FBXL17: variants seen among roughly 807,000 people sequenced by gnomAD.
The protein encoded by FBXL17 is F-box/LRR-repeat protein 17.
A neutral mutation model predicts 66.2 loss-of-function variants in FBXL17; 22 were observed. That is an observed-to-expected ratio of 0.33 (90% CI 0.24 to 0.47). FBXL17 has a LOEUF of 0.47. Ranked by LOEUF, FBXL17 falls within the 20% of genes least tolerant of loss-of-function variation. The pLI, the probability that FBXL17 is intolerant of heterozygous loss-of-function variation, is 1.00. For missense variants in FBXL17, 878 were observed against 948.2 expected (o/e 0.93, Z 0.97); for synonymous variants, 474 against 400.5 (o/e 1.18, Z -2.19).
chr5:107,915,639 T>C (rs1483199858), intron 7 of FBXL17, among the ~76,000 whole-genome samples: 1 of 152,210 alleles, frequency 6.6e-6, no homozygotes, highest in Non-Finnish European at 1.5e-5. Flanking sequence ...CATATAATTT[T>C]AGAAGCTGAA....
chr5:107,905,917 G>A (rs1219108409), intron 7 of FBXL17, among the ~76,000 whole-genome samples: 1 of 152,136 alleles, frequency 6.6e-6, no homozygotes, highest in Non-Finnish European at 1.5e-5. Flanking sequence ...ATATGCCTCT[G>A]GGCAACATTT....
intron 7 of FBXL17, among the ~76,000 whole-genome samples, chr5:107,957,906 C>T (rs1177415550): frequency 6.6e-6 from 1 of 152,130 alleles, no homozygotes; most frequent in Non-Finnish European, 1.5e-5. Flanking sequence ...CTGGTCAATT[C>T]TGTGGGGAGC....
At chr5:108,157,322 A>G (rs1327112979) in intron 6 of FBXL17, among the ~76,000 whole-genome samples, 1 of 152,000 alleles carries the variant, frequency 6.6e-6, no homozygotes. Flanking sequence ...TTGACAACAC[A>G]GTAGTATTAA....
chr5:107,957,973 T>C (rs541552244), intron 7 of FBXL17, among the ~76,000 whole-genome samples: 5 of 152,120 alleles, frequency 3.3e-5, no homozygotes, highest in Non-Finnish European at 5.9e-5. Context: ...AAGCATTCTG[T>C]GCAGGGAGTG....
intron 8 of FBXL17, among the ~76,000 whole-genome samples, chr5:107,869,195 G>A (rs1180643329): frequency 6.6e-6 from 1 of 152,188 alleles, no homozygotes; most frequent in African/African-American, 2.4e-5. Flanking sequence ...CAGCCCCAGA[G>A]GCTGACTCCT....
chr5:108,093,091 C>G (rs192647448), intron 6 of FBXL17, among the ~76,000 whole-genome samples: 1 of 151,928 alleles, frequency 6.6e-6, no homozygotes, highest in Non-Finnish European at 1.5e-5. Context: ...ACCACTCTAT[C>G]CCTCCCCCCA....
intron 6 of FBXL17, among the ~76,000 whole-genome samples, chr5:108,183,731 C>G (rs1304296090): frequency 6.6e-6 from 1 of 152,122 alleles, no homozygotes; most frequent in Non-Finnish European, 1.5e-5. Context: ...AGCCTCCTCA[C>G]TTGGAGTTCC....
intron 6 of FBXL17, among the ~76,000 whole-genome samples, chr5:108,163,888 A>G (rs1400192703): frequency 6.6e-6 from 1 of 152,222 alleles, no homozygotes; most frequent in African/African-American, 2.4e-5. Context: ...CTTTAATTTC[A>G]GAAAAATAAA....
intron 6 of FBXL17, among the ~76,000 whole-genome samples, chr5:108,038,550 T>A (rs1013445482): frequency 1.3e-5 from 2 of 152,100 alleles, no homozygotes; most frequent in African/African-American, 2.4e-5. Context: ...AAATTCATTA[T>A]CTTGTGGATT....
In FBXL17 at chr5:108,054,849, G is replaced by A. The variant is rs142910288; in HGVS notation, c.1746-33848C>T. ...CAGGGAGCTTACCACCATGTTGTTC[G>A]TCAGGTCCCAAGTTCCCTAGTTAGT... On this transcript the variant is annotated intron_variant, in intron 6 of 8. Transcript: ENST00000542267. Among the ~76,000 whole-genome samples, 37 of 152,162 alleles carry A rather than the reference G, an allele frequency of 2.4e-4. No individual in the cohort carries two copies. The East Asian group carries it at 5.8e-3, about 24-fold the overall frequency.
intron 7 of FBXL17, among the ~76,000 whole-genome samples, chr5:107,991,741 T>C (rs940522686): frequency 7.9e-5 from 12 of 152,162 alleles, no homozygotes; most frequent in Non-Finnish European, 1.8e-4. Flanking sequence ...TTTATCTCTA[T>C]CTTTGGTATT....
intron 7 of FBXL17, among the ~76,000 whole-genome samples, chr5:107,909,988 T>G (rs1299795258): frequency 1.3e-5 from 2 of 152,132 alleles, no homozygotes; most frequent in Non-Finnish European, 2.9e-5. Flanking sequence ...CTGGCTTCTT[T>G]AGAAAAGTAA....
In FBXL17 at chr5:108,381,151, C is replaced by G; in HGVS notation, c.541G>C (p.Gly181Arg). Reference protein sequence around the residue: ...GPPAAVQLFRGPTPSPAELPT... With the variant: ...GPPAAVQLFRRPTPSPAELPT... ...AGCTCGGCCGGTGACGGTGTCGGCC[C>G]CCGGAAGAGCTGCACGGCGGCGGGC... Residue 181 changes from glycine to arginine, a missense_variant, in exon 1 of 9, where the codon GGG becomes CGG. Gly to Arg is a moderately radical substitution (Grantham distance 125). Transcript: ENST00000542267. 7.1e-7 allele frequency: 1 copy of G among 1,404,950 alleles called. No homozygotes were observed. The highest frequency in any genetic ancestry group is 9.2e-7 in the Non-Finnish European group (1 of 1,082,058). 87.0% of individuals were successfully genotyped at this position (1,404,950 alleles called of 1,614,324 possible). A position where few individuals can be genotyped will look rare whatever the true frequency, so the allele number is the denominator to read the frequency against.
At chr5:108,105,560 A>G (rs191802021) in intron 6 of FBXL17, among the ~76,000 whole-genome samples, 1 of 152,352 alleles carries the variant, frequency 6.6e-6, no homozygotes, top group Non-Finnish European at 1.5e-5. Flanking sequence ...ATAAGAATAA[A>G]TAAGAAAACT....
At chr5:108,311,421 C>T (rs1430270513) in intron 4 of FBXL17, among the ~76,000 whole-genome samples, 2 of 152,196 alleles carry the variant, frequency 1.3e-5, no homozygotes, top group African/African-American at 2.4e-5. Flanking sequence ...ATCCACCCAC[C>T]TCGGCCTCCC....
chr5:108,175,321 C>T (rs1250187779), intron 6 of FBXL17, among the ~76,000 whole-genome samples: 3 of 152,140 alleles, frequency 2.0e-5, no homozygotes, highest in African/African-American at 7.2e-5. Flanking sequence ...CGTCACACAT[C>T]CGCACAATAA....
At chr5:108,101,932 T>A (rs980013187) in intron 6 of FBXL17, among the ~76,000 whole-genome samples, 3 of 152,112 alleles carry the variant, frequency 2.0e-5, no homozygotes, top group African/African-American at 7.2e-5. Context: ...AAAAACTCCT[T>A]GAGAAAGTGG....
chr5:107,970,211 A>C (rs1467274680), intron 7 of FBXL17, among the ~76,000 whole-genome samples: 1 of 152,138 alleles, frequency 6.6e-6, no homozygotes, highest in Non-Finnish European at 1.5e-5. Flanking sequence ...AGGGCTCAGC[A>C]TGAACAAGAG....
intron 7 of FBXL17, among the ~76,000 whole-genome samples, chr5:107,986,647 T>C (rs1753022324): frequency 6.6e-6 from 1 of 151,758 alleles, no homozygotes; most frequent in South Asian, 2.1e-4. Context: ...AAGTACAATA[T>C]TCTTTTAAAT....
Sources: allele counts gnomAD v4.1 joint callset (sites outside exome capture counted in the v4.1 genomes callset), GRCh38; gene constraint gnomAD v4.1.1; transcripts MANE v1.5; gene names NCBI Gene and HGNC (gene_info 2026-07-23, HGNC 2026-07-21).